The following CRPPA variants were observed in gnomAD, a reference collection of about 807,000 sequenced individuals.
The protein encoded by CRPPA is D-ribitol-5-phosphate cytidylyltransferase.
In CRPPA, 43 loss-of-function variants were observed where a neutral mutation model predicts 52.0. The observed-to-expected ratio is 0.83, with a 90% CI of 0.65 to 1.07. The LOEUF (loss-of-function observed/expected upper bound fraction) is 1.07, where lower values mean the gene tolerates loss of function less well. CRPPA is among the 50% of genes least tolerant of loss of function. The probability of loss-of-function intolerance (pLI) is 0.00; values close to 1 mark genes in which losing one functional copy is unlikely to be tolerated. For missense variants in CRPPA, 629 were observed against 551.7 expected, an observed-to-expected ratio of 1.14 and a Z score of -1.40; for synonymous variants, 250 against 203.5, an observed-to-expected ratio of 1.23 and a Z score of -1.94.
chr7:16,280,865 C>T (rs955392940), intron 5 of CRPPA, among the ~76,000 whole-genome samples: 10 of 151,970 alleles, frequency 6.6e-5, no homozygotes, highest in Non-Finnish European at 1.5e-4. Flanking sequence ...ATTAAAAATA[C>T]AAAAATTAGC....
chr7:16,155,450 G>A lies in CRPPA; in HGVS notation c.1251+60616C>T, dbSNP rs1404682099. ...ATGTTTTTTCAATACAAGTTACACCGAGTGAACTCGCCTCTCTTGCCTCCC... is the reference window on the plus strand; with the variant it reads ...ATGTTTTTTCAATACAAGTTACACCAAGTGAACTCGCCTCTCTTGCCTCCC... On this transcript the variant is annotated intron_variant, in intron 9 of 9. Transcript: ENST00000407010. Among the ~76,000 whole-genome samples, 8 of 152,198 alleles carry A rather than the reference G, an allele frequency of 5.3e-5. No homozygotes were observed. The South Asian group carries it at 8.3e-4, about 16-fold the overall frequency.
chr7:16,107,742 A>T (rs1390021097), intron 9 of CRPPA, among the ~76,000 whole-genome samples: 1 of 152,106 alleles, frequency 6.6e-6, no homozygotes, highest in Non-Finnish European at 1.5e-5. Flanking sequence ...TGATGGTAAG[A>T]CCTAGTATGA....
chr7:16,208,080 T>C (rs998857713), intron 9 of CRPPA, among the ~76,000 whole-genome samples: 1 of 152,190 alleles, frequency 6.6e-6, no homozygotes, highest in Non-Finnish European at 1.5e-5. Context: ...AACAACACTA[T>C]TTTCTAGCAA....
intron 9 of CRPPA, among the ~76,000 whole-genome samples, chr7:16,141,418 A>T (rs772583851): frequency 1.3e-5 from 2 of 152,200 alleles, no homozygotes; most frequent in Non-Finnish European, 2.9e-5. Flanking sequence ...AAATAAACTA[A>T]AAAATAGATC....
chr7:16,273,867 C>G (rs1442509183), intron 6 of CRPPA, among the ~76,000 whole-genome samples: 1 of 152,162 alleles, frequency 6.6e-6, no homozygotes, highest in Admixed American at 6.5e-5. Context: ...CCCAGAAGGA[C>G]TTGTCCTGGC....
intron 3 of CRPPA, among the ~76,000 whole-genome samples, chr7:16,349,276 G>A (rs1439789241): frequency 6.6e-6 from 1 of 152,118 alleles, no homozygotes; most frequent in Non-Finnish European, 1.5e-5. Context: ...ATAAACATGA[G>A]ACTGAGAGGT....
chr7:16,283,456 A>C (rs1307286858), intron 5 of CRPPA, among the ~76,000 whole-genome samples: 1 of 150,222 alleles, frequency 6.7e-6, no homozygotes, highest in Non-Finnish European at 1.5e-5. Flanking sequence ...TGACACTATA[A>C]AGATGATACT....
intron 2 of CRPPA, among the ~76,000 whole-genome samples, chr7:16,380,152 G>A (rs1787037940): frequency 6.6e-6 from 1 of 151,072 alleles, no homozygotes; most frequent in Non-Finnish European, 1.5e-5. Context: ...TTATTATTTT[G>A]AGATACGTCC....
At chr7:16,128,260 C>G (rs539580687) in intron 9 of CRPPA, among the ~76,000 whole-genome samples, 1 of 151,926 alleles carries the variant, frequency 6.6e-6, no homozygotes, top group South Asian at 2.1e-4. Context: ...GTACCCTCAA[C>G]CTTAAAATAA....
intron 5 of CRPPA, among the ~76,000 whole-genome samples, chr7:16,290,525 A>G (rs1784539619): frequency 6.6e-6 from 1 of 152,148 alleles, no homozygotes; most frequent in Admixed American, 6.6e-5. Context: ...ATTTTCAACA[A>G]AGGTGCCAGG....
At chr7:16,395,057 TGGCCTGC>T (rs1294702095) in intron 2 of CRPPA, among the ~76,000 whole-genome samples, 1 of 152,182 alleles carries the variant, frequency 6.6e-6, no homozygotes, top group Non-Finnish European at 1.5e-5. Flanking sequence ...AGTTGGTTAG[TGGCCTGC>T]AAGGCACATC....
chr7:16,207,864 G>A (rs1485598356), intron 9 of CRPPA, among the ~76,000 whole-genome samples: 2 of 152,148 alleles, frequency 1.3e-5, no homozygotes. Flanking sequence ...TATCAATGAA[G>A]TATATCAGTG....
At chr7:16,238,930 G>A (rs888530759) in intron 8 of CRPPA, among the ~76,000 whole-genome samples, 16 of 152,166 alleles carry the variant, frequency 1.1e-4, no homozygotes, top group African/African-American at 3.9e-4. Flanking sequence ...TTGAAGTCAG[G>A]AGTTCGAGAC....
intron 9 of CRPPA, among the ~76,000 whole-genome samples, chr7:16,178,834 TATTA>T (rs1781355034): frequency 6.6e-6 from 1 of 152,120 alleles, no homozygotes; most frequent in Non-Finnish European, 1.5e-5. Context: ...GAACATCATG[TATTA>T]ATTGTGTCTT....
At chr7:16,303,827 T>C (rs1784847097) in intron 4 of CRPPA, among the ~76,000 whole-genome samples, 3 of 152,154 alleles carry the variant, frequency 2.0e-5, no homozygotes, top group South Asian at 4.1e-4. Flanking sequence ...GATGCTGAAA[T>C]ACTTGGACCT....
rs1206987277 is a variant in CRPPA, at chr7:16,091,050, T to G, written c.*645A>C. On this transcript the variant is annotated 3_prime_UTR_variant, in exon 10 of 10. Coordinates refer to ENST00000407010, the MANE Select transcript of CRPPA (RefSeq NM_001101426.4). ...AGACCCTTTAAAATAATGTAAGTCA[T>G]AATTATAGTTCATAAACCAAAAATA... 2 of 152,226 alleles carry G rather than the reference T, an allele frequency of 1.3e-5. No individual in the cohort carries two copies. The highest frequency in any genetic ancestry group is 3.8e-4 in the East Asian group (2 of 5,202). The allele number at this position is 152,226 out of a possible 1,614,324, so 9.4% of individuals were successfully genotyped here.
At chr7:16,215,881 T>C (rs567241343) in intron 9 of CRPPA, among the ~76,000 whole-genome samples, 185 bp downstream of exon 9, 21 of 152,300 alleles carry the variant, frequency 1.4e-4, no homozygotes, top group African/African-American at 5.1e-4. Context: ...ATGCTAATAG[T>C]TTTATTGGTT....
chr7:16,093,056 G>C (rs906832985), intron 9 of CRPPA, among the ~76,000 whole-genome samples: 1 of 152,132 alleles, frequency 6.6e-6, no homozygotes, highest in Non-Finnish European at 1.5e-5. Context: ...TCCAGTTTGG[G>C]TGAAGTGACT....
At chr7:16,333,183 T>C (rs917324390) in intron 3 of CRPPA, among the ~76,000 whole-genome samples, 30 of 152,310 alleles carry the variant, frequency 2.0e-4, no homozygotes, top group African/African-American at 7.2e-4. Context: ...AAAACCTTTC[T>C]ATCAGAAATG....
Sources: gnomAD v4.1 joint callset for allele counts (sites outside exome capture counted in the v4.1 genomes callset) on GRCh38, gnomAD v4.1.1 for gene constraint, MANE v1.5 for transcripts, NCBI Gene and HGNC (gene_info 2026-07-23, HGNC 2026-07-21) for gene names.